Variants in ATP6V1H observed in about 807,000 individuals in gnomAD.
The protein encoded by ATP6V1H is V-type proton ATPase subunit H.
ATP6V1H carries 39 observed loss-of-function variants against 71.7 expected under a neutral mutation model. The observed-to-expected ratio is 0.54, with a 90% confidence interval of 0.42 to 0.71. The LOEUF (loss-of-function observed/expected upper bound fraction) is 0.71. Ranked by LOEUF, ATP6V1H falls within the 30% of genes least tolerant of loss-of-function variation. ATP6V1H has a pLI of 0.00. For synonymous variants in ATP6V1H, 192 were observed against 199.3 expected (o/e 0.96, Z 0.31); for missense variants, 509 against 594.9 (o/e 0.86, Z 1.50).
At chr8:53,722,221 C>G (rs1806644827) in intron 13 of ATP6V1H, among the ~76,000 whole-genome samples, 1 of 152,230 alleles carries the variant, frequency 6.6e-6, no homozygotes, top group South Asian at 2.1e-4. Context: ...AGATCGGCAG[C>G]ATCTTCTGTG....
intron 13 of ATP6V1H, among the ~76,000 whole-genome samples, chr8:53,733,168 T>C (rs531486644): frequency 7.0e-4 from 106 of 152,256 alleles, no homozygotes; most frequent in Non-Finnish European, 1.2e-3. Flanking sequence ...CTACTTAGGC[T>C]GACTGCCGCC....
chr8:53,776,288 C>T (rs1282699588), intron 9 of ATP6V1H, among the ~76,000 whole-genome samples: 1 of 152,236 alleles, frequency 6.6e-6, no homozygotes, highest in African/African-American at 2.4e-5. Flanking sequence ...TCCCTCCACA[C>T]CTCCCTGCAA....
chr8:53,792,611 A>G (rs1347247117), intron 9 of ATP6V1H, among the ~76,000 whole-genome samples: 2 of 152,144 alleles, frequency 1.3e-5, no homozygotes, highest in Non-Finnish European at 2.9e-5. Flanking sequence ...TCGAGACAAG[A>G]AAAAAAGGAG....
intron 13 of ATP6V1H, among the ~76,000 whole-genome samples, chr8:53,735,889 G>A: frequency 6.6e-6 from 1 of 152,112 alleles, no homozygotes; most frequent in East Asian, 1.9e-4. Context: ...ACCACAGTCG[G>A]CTAACACCGG....
intron 3 of ATP6V1H, chr8:53,832,438 T>G (rs1811038362): frequency 6.6e-6 from 1 of 151,938 alleles, no homozygotes; most frequent in South Asian, 2.1e-4. Flanking sequence ...CAAAGATAAA[T>G]AGTAAAAAAG....
intron 4 of ATP6V1H, among the ~76,000 whole-genome samples, chr8:53,825,579 G>A (rs906996407): frequency 1.3e-5 from 2 of 152,092 alleles, no homozygotes; most frequent in African/African-American, 2.4e-5. Context: ...CAGAAGCAAA[G>A]TATAAAAGGT....
At position 53,810,370 on chromosome 8, in the gene ATP6V1H, G is replaced by A. The variant is rs147892643; in HGVS notation, c.579+794C>T. Among the ~76,000 whole-genome samples, 8 of 152,306 alleles carry A rather than the reference G, an allele frequency of 5.3e-5. No homozygotes were observed. In the East Asian group the frequency reaches 9.6e-4, roughly 18 times the overall value. ...GGAAAACGTAACTTTAGCCAAGAAA[G>A]GAACTTGGGGAGCCATAATTAATCT... On this transcript the variant is annotated intron_variant, in intron 7 of 13. Transcript: ENST00000359530.
Position 53,756,069 on chromosome 8 carries a change from C to CT in ATP6V1H, c.1277+485dup, listed in dbSNP as rs199967847. The stretch of plus-strand genomic sequence containing the variant: ...ATTTTTATACTATTCTTTTTCTTTT[C>CT]TTTTTTTTTTTTTTTTTTTGAGACA... On this transcript the variant is annotated intron_variant, in intron 12 of 13. Coordinates refer to ENST00000359530, the MANE Select transcript of ATP6V1H (RefSeq NM_015941.4). 7.3e-3 allele frequency among the ~76,000 whole-genome samples: 703 copies of CT among 96,534 alleles called. 13 individuals are homozygous for CT. Among genetic ancestry groups the CT allele is most frequent in the South Asian group, 0.014 (38 of 2,772 alleles). 63.3% of individuals were successfully genotyped at this position (96,534 alleles called of 152,430 possible). A position where few individuals can be genotyped will look rare whatever the true frequency, so the allele number is the denominator to read the frequency against.
At chr8:53,762,371 A>G (rs1049910413) in intron 11 of ATP6V1H, among the ~76,000 whole-genome samples, 2 of 152,232 alleles carry the variant, frequency 1.3e-5, no homozygotes, top group African/African-American at 4.8e-5. Context: ...ATGTTCATGG[A>G]TTGGAGGACC....
At chr8:53,773,240 A>T (rs950895966) in intron 9 of ATP6V1H, among the ~76,000 whole-genome samples, 1 of 152,240 alleles carries the variant, frequency 6.6e-6, no homozygotes, top group East Asian at 1.9e-4. Context: ...ATTACTTGCA[A>T]TCCTCCTTAT....
chr8:53,807,903 A>G (rs972119847), intron 7 of ATP6V1H, among the ~76,000 whole-genome samples: 1 of 152,226 alleles, frequency 6.6e-6, no homozygotes. Context: ...AGAACCACAT[A>G]TGGTTAGGGG....
intron 1 of ATP6V1H, chr8:53,842,624 G>A (rs1254192734): frequency 6.6e-6 from 1 of 152,218 alleles, no homozygotes; most frequent in Non-Finnish European, 1.5e-5. Flanking sequence ...GGAAAAAACA[G>A]GCTTCAACTG....
chr8:53,750,641 C>T (rs771220237), intron 12 of ATP6V1H, among the ~76,000 whole-genome samples: 2 of 151,714 alleles, frequency 1.3e-5, no homozygotes, highest in East Asian at 1.9e-4. Context: ...TGTTGTCAAC[C>T]GACAAAGGTT....
At chr8:53,792,919 C>T (rs1425510295) in intron 9 of ATP6V1H, among the ~76,000 whole-genome samples, 3 of 152,140 alleles carry the variant, frequency 2.0e-5, no homozygotes, top group African/African-American at 4.8e-5. Context: ...TGGCAAATTA[C>T]TTAACCTCTC....
intron 7 of ATP6V1H, chr8:53,806,990 T>C (rs759104619): frequency 8.7e-6 from 3 of 344,984 alleles, no homozygotes; most frequent in East Asian, 8.3e-5. Flanking sequence ...CTGTCTGTAA[T>C]TGCCTGTGAG....
In ATP6V1H at chr8:53,715,722, A is replaced by C. The variant is rs142983508; in HGVS notation, c.*242T>G. ...TATTTATTTCCAGAGAACAATAAAT[A>C]CAGAAATTGCAAGCAGTATATGTAA... On this transcript the variant is annotated 3_prime_UTR_variant, in exon 14 of 14. Coordinates refer to ENST00000359530, the MANE Select transcript of ATP6V1H (RefSeq NM_015941.4). 2.7e-6 allele frequency: 1 copy of C among 375,288 alleles called. No homozygotes were observed. The highest frequency in any genetic ancestry group is 4.7e-6 in the Non-Finnish European group (1 of 212,140). 23.2% of individuals were successfully genotyped at this position (375,288 alleles called of 1,614,324 possible).
intron 4 of ATP6V1H, among the ~76,000 whole-genome samples, chr8:53,823,801 T>C (rs1272766556): frequency 6.6e-6 from 1 of 151,810 alleles, no homozygotes; most frequent in African/African-American, 2.4e-5. Flanking sequence ...AATAGAAGAA[T>C]GGAAATAAAT....
At chr8:53,785,950 T>C (rs930159020) in intron 9 of ATP6V1H, among the ~76,000 whole-genome samples, 3 of 152,224 alleles carry the variant, frequency 2.0e-5, no homozygotes, top group African/African-American at 4.8e-5. Context: ...CCACCCTTAC[T>C]GCGGGATGCC....
At chr8:53,755,283 T>A (rs1807964371) in intron 12 of ATP6V1H, among the ~76,000 whole-genome samples, 1 of 152,120 alleles carries the variant, frequency 6.6e-6, no homozygotes, top group South Asian at 2.1e-4. Context: ...TGCTACAAAA[T>A]CTATGTGCCC....
Sources: gnomAD v4.1 joint callset for allele counts (sites outside exome capture counted in the v4.1 genomes callset) on GRCh38, gnomAD v4.1.1 for gene constraint, MANE v1.5 for transcripts, NCBI Gene and HGNC (gene_info 2026-07-23, HGNC 2026-07-21) for gene names.